Variants in ADAMTS19 observed in about 807,000 individuals in gnomAD.
ADAMTS19 encodes the protein A disintegrin and metalloproteinase with thrombospondin motifs 19.
A neutral mutation model predicts 153.3 loss-of-function variants in ADAMTS19; 93 were observed. That is an observed-to-expected ratio of 0.61 (90% CI 0.51 to 0.72). The LOEUF is 0.72. ADAMTS19 is among the 30% of genes least tolerant of loss of function. The probability of loss-of-function intolerance (pLI) is 0.00; values close to 1 mark genes in which losing one functional copy is unlikely to be tolerated. For synonymous variants in ADAMTS19, 600 were observed against 556.6 expected (o/e 1.08, Z -1.10); for missense variants, 1,482 against 1,552.1 (o/e 0.95, Z 0.76).
At chr5:129,714,701 T>G (rs1165809885) in intron 21 of ADAMTS19, among the ~76,000 whole-genome samples, 1 of 152,156 alleles carries the variant, frequency 6.6e-6, no homozygotes, top group Non-Finnish European at 1.5e-5. Context: ...ATCACTTTTT[T>G]ACACCAACTT....
intron 13 of ADAMTS19, among the ~76,000 whole-genome samples, chr5:129,651,470 C>G (rs1417135353): frequency 6.6e-6 from 1 of 152,146 alleles, no homozygotes; most frequent in African/African-American, 2.4e-5. Flanking sequence ...TTCCATCATT[C>G]TCTTTTATAG....
At chr5:129,514,769 C>T (rs764182848) in intron 3 of ADAMTS19, among the ~76,000 whole-genome samples, 5 of 151,848 alleles carry the variant, frequency 3.3e-5, no homozygotes, top group East Asian at 1.9e-4. Context: ...TATCCTTTGC[C>T]GTGCAGAAGC....
chr5:129,692,739 A>T (rs777071951), intron 18 of ADAMTS19, among the ~76,000 whole-genome samples: 3 of 152,152 alleles, frequency 2.0e-5, no homozygotes, highest in Non-Finnish European at 4.4e-5. Context: ...TTTCTAATTC[A>T]TCTGCCTATA....
chr5:129,545,065 C>A (rs1752805334), intron 6 of ADAMTS19, among the ~76,000 whole-genome samples: 1 of 151,848 alleles, frequency 6.6e-6, no homozygotes, highest in African/African-American at 2.4e-5. Context: ...ATAACATATT[C>A]CATTGTAAGA....
In ADAMTS19 at chr5:129,594,299, C is replaced by T. The variant is rs1370387945; in HGVS notation, c.1373-2260C>T. ...TGACTGAAGTTTATATGTCCTAGTC[C>T]ATGTGACAAACAGGTATATGACATA... is the stretch of plus-strand genomic sequence containing the variant. On this transcript the variant is annotated intron_variant, in intron 7 of 22. Transcript: ENST00000274487. Among the ~76,000 whole-genome samples the T allele has an allele frequency of 2.0e-5, 3 of 152,186 alleles. No homozygotes were observed. In the South Asian group the frequency reaches 6.2e-4, roughly 32 times the overall value.
intron 2 of ADAMTS19, among the ~76,000 whole-genome samples, chr5:129,488,322 G>C (rs908734332): frequency 2.6e-5 from 4 of 152,020 alleles, no homozygotes; most frequent in Non-Finnish European, 5.9e-5. Flanking sequence ...AGATAGGAAA[G>C]AGTCACTTTA....
chr5:129,513,196 A>C (rs1025933923), intron 3 of ADAMTS19, among the ~76,000 whole-genome samples: 5 of 150,800 alleles, frequency 3.3e-5, no homozygotes, highest in African/African-American at 1.2e-4. Flanking sequence ...AAACACAAGT[A>C]ACAACTAAAA....
rs200570066 is a variant in ADAMTS19 at position 129,714,439 on chromosome 5, A to AG, written c.3312+10048_3312+10049insG. 5.0e-3 allele frequency among the ~76,000 whole-genome samples: 757 copies of AG among 151,126 alleles called. 28 individuals are homozygous for AG. In the East Asian group the frequency reaches 0.075, roughly 15 times the overall value. ...AGACTCCGTCTCAAAAAAAAAAAAA[A>AG]AAAAGAAAAATATATATCTATAGGT... On this transcript the variant is annotated intron_variant, in intron 21 of 22. Coordinates refer to ENST00000274487, the MANE Select transcript of ADAMTS19 (RefSeq NM_133638.6).
rs1167182923 is a variant in ADAMTS19 at position 129,566,551 on chromosome 5, TTC to T, written c.1372+14650_1372+14651del. On this transcript the variant is annotated intron_variant, in intron 7 of 22. Transcript: ENST00000274487. ...CAAACCAGCAGTGAGTTTATAATTT[TTC>T]TCTCTTTTTGTATTCTCCATCTTGG... Among the ~76,000 whole-genome samples, 3 of 152,314 alleles carry T rather than the reference TTC, an allele frequency of 2.0e-5. No individual in the cohort carries two copies. In the East Asian group the frequency reaches 5.8e-4, roughly 29 times the overall value.
At chr5:129,479,024 C>T (rs1053976550) in intron 2 of ADAMTS19, among the ~76,000 whole-genome samples, 1 of 152,056 alleles carries the variant, frequency 6.6e-6, no homozygotes, top group African/African-American at 2.4e-5. Flanking sequence ...TCACAGAAAC[C>T]CACTAAGGTA....
intron 8 of ADAMTS19, among the ~76,000 whole-genome samples, chr5:129,598,897 A>G (rs77865851): frequency 0.031 from 4,786 of 152,250 alleles, 219 homozygotes; most frequent in African/African-American, 0.1. Context: ...TTTGTCCTCT[A>G]TATATGCAAA....
At chr5:129,623,562 A>G (rs1751883055) in intron 10 of ADAMTS19, among the ~76,000 whole-genome samples, 1 of 152,162 alleles carries the variant, frequency 6.6e-6, no homozygotes, top group African/African-American at 2.4e-5. Context: ...ATGCTTTATA[A>G]CGAACAAAGC....
intron 2 of ADAMTS19, among the ~76,000 whole-genome samples, chr5:129,505,122 C>T (rs901185097): frequency 6.6e-6 from 1 of 152,026 alleles, no homozygotes; most frequent in Non-Finnish European, 1.5e-5. Flanking sequence ...CTAATGAATT[C>T]TCAATACGTA....
intron 18 of ADAMTS19, among the ~76,000 whole-genome samples, chr5:129,689,280 A>G (rs1419654003): frequency 6.6e-6 from 1 of 152,200 alleles, no homozygotes; most frequent in African/African-American, 2.4e-5. Context: ...TCCCTTGTCC[A>G]TATCCAGATC....
chr5:129,531,564 G>T (rs1752206334), intron 6 of ADAMTS19, among the ~76,000 whole-genome samples: 1 of 152,142 alleles, frequency 6.6e-6, no homozygotes, highest in Admixed American at 6.5e-5. Context: ...GGCAGAGGTT[G>T]CAGTGAGCCA....
chr5:129,651,979 C>T (rs1250786279), intron 13 of ADAMTS19, among the ~76,000 whole-genome samples: 1 of 151,880 alleles, frequency 6.6e-6, no homozygotes, highest in Non-Finnish European at 1.5e-5. Flanking sequence ...TATTTGAAAC[C>T]CATTTACTTA....
chr5:129,556,201 T>C (rs1753305642), intron 7 of ADAMTS19, among the ~76,000 whole-genome samples: 1 of 152,146 alleles, frequency 6.6e-6, no homozygotes, highest in Admixed American at 6.5e-5. Flanking sequence ...TGGAAGAAAA[T>C]ACATGCTATT....
chr5:129,658,784 G>GCA, intron 15 of ADAMTS19, 47 bp downstream of exon 15: 1 of 1,541,302 alleles, frequency 6.5e-7, no homozygotes, highest in Non-Finnish European at 8.8e-7. Context: ...TGCAATCTTT[G>GCA]GGAACACAGA....
At chr5:129,491,178 AT>A (rs1296203359) in intron 2 of ADAMTS19, among the ~76,000 whole-genome samples, 1 of 151,668 alleles carries the variant, frequency 6.6e-6, no homozygotes, top group African/African-American at 2.4e-5. Context: ...ATTTTTTTGT[AT>A]TTTTAGTAGA....
Sources: gnomAD v4.1 joint callset for allele counts (sites outside exome capture counted in the v4.1 genomes callset) on GRCh38, gnomAD v4.1.1 for gene constraint, MANE v1.5 for transcripts, NCBI Gene and HGNC (gene_info 2026-07-23, HGNC 2026-07-21) for gene names.